The following ZNF30 variants were observed in gnomAD, a reference collection of about 807,000 sequenced individuals.
ZNF30 encodes the protein zinc finger protein 30, also known as zinc finger protein 30 (KOX 28).
ZNF30 carries 15 observed loss-of-function variants against 13.2 expected under a neutral mutation model. That is an observed-to-expected ratio of 1.13 (90% CI 0.76 to 1.75). ZNF30 has a LOEUF of 1.75. Ranked by LOEUF, ZNF30 falls within the 40% of genes most tolerant of loss-of-function variation. ZNF30 has a pLI of 0.00. For missense variants in ZNF30, 726 were observed against 757.0 expected, an observed-to-expected ratio of 0.96 and a Z score of 0.48; for synonymous variants, 223 against 256.6, an observed-to-expected ratio of 0.87 and a Z score of 1.25.
chr19:34,928,220 A>AATATATATATATATAT (rs374649415), intron 1 of ZNF30, among the ~76,000 whole-genome samples: 17 of 73,398 alleles, frequency 2.3e-4, no homozygotes, highest in South Asian at 1.5e-3. Context: ...AAAAAAAAAA[A>AATATATATATATATAT]ATATATATAT....
In ZNF30 at chr19:34,931,903, T is replaced by C. The variant is rs752330162; in HGVS notation, c.70T>C (p.Ser24Pro). Residue 24 changes from serine to proline, a missense_variant, in exon 3 of 5, where the codon TCC becomes CCC. Ser to Pro is a moderately conservative substitution (Grantham distance 74, BLOSUM62 -1). Coordinates refer to ENST00000601142, the MANE Select transcript of ZNF30 (RefSeq NM_194325.3). Reference protein sequence around the residue: ...VTFEDVAIAFSQQEWESLDSS... With the variant: ...VTFEDVAIAFPQQEWESLDSS... ...ATTTGAGGATGTGGCCATAGCCTTC[T>C]CCCAGCAGGAGTGGGAGAGTCTGGA... The C allele has an allele frequency of 1.2e-6, 2 of 1,613,632 alleles. No homozygotes were observed. Among genetic ancestry groups the C allele is most frequent in the Non-Finnish European group, 1.7e-6 (2 of 1,179,820 alleles).
chr19:34,940,406 A>G (rs1317761079), intron 4 of ZNF30, among the ~76,000 whole-genome samples: 3 of 152,090 alleles, frequency 2.0e-5, no homozygotes, highest in Non-Finnish European at 2.9e-5. Flanking sequence ...GGTGGCACAC[A>G]CCTGTAATCC....
chr19:34,926,299 C>T (rs559250080), upstream of ZNF30, among the ~76,000 whole-genome samples: 2 of 152,290 alleles, frequency 1.3e-5, no homozygotes, highest in Non-Finnish European at 2.9e-5. Flanking sequence ...CTACAGGCAG[C>T]TAATACAGAG....
chr19:34,931,164 A>G (rs1223078762), intron 2 of ZNF30, among the ~76,000 whole-genome samples: 3 of 151,660 alleles, frequency 2.0e-5, no homozygotes, highest in Non-Finnish European at 4.4e-5. Context: ...CAGCTTCCCA[A>G]GTAGCTGGGA....
At chr19:34,926,843 C>T (rs1406062849), upstream of ZNF30, 6 of 396,608 alleles carry the variant, frequency 1.5e-5, no homozygotes, top group Non-Finnish European at 2.7e-5. Context: ...CGAGCGCCTG[C>T]GCCTGCGCAT....
rs2012952107 is a variant in ZNF30 at position 34,939,998 on chromosome 19, T to C, written c.257-3225T>C. Among the ~76,000 whole-genome samples, 5 of 152,340 alleles carry C rather than the reference T, an allele frequency of 3.3e-5. No homozygotes were observed. In the South Asian group the frequency reaches 6.2e-4, roughly 19 times the overall value. ...GTAAAATTGAATGAAATTTAGTATATTTTGAAAATAAGTAAGTTTTCTCTT... is the reference window on the plus strand; with the variant it reads ...GTAAAATTGAATGAAATTTAGTATACTTTGAAAATAAGTAAGTTTTCTCTT... On this transcript the variant is annotated intron_variant, in intron 4 of 4. Transcript: ENST00000601142.
chr19:34,927,344 T>A (rs1005101919), intron 1 of ZNF30, 128 bp downstream of exon 1: 1 of 269,046 alleles, frequency 3.7e-6, no homozygotes, highest in African/African-American at 2.2e-5. Context: ...CATGCGAACC[T>A]GAGCTATTAA....
chr19:34,928,329 TATA>T (rs201049669), intron 1 of ZNF30, among the ~76,000 whole-genome samples: 1,816 of 149,974 alleles, frequency 0.012, 38 homozygotes, highest in African/African-American at 0.042. Context: ...ATAAAGGATG[TATA>T]ATGTTTACGT....
chr19:34,925,308 A>G (rs2012025546), upstream of ZNF30, among the ~76,000 whole-genome samples: 1 of 152,262 alleles, frequency 6.6e-6, no homozygotes, highest in Admixed American at 6.5e-5. Context: ...TACCAGAAGA[A>G]TCAGATCACA....
At chr19:34,935,242 A>C (rs79274360) in intron 4 of ZNF30, among the ~76,000 whole-genome samples, 1 of 123,104 alleles carries the variant, frequency 8.1e-6, no homozygotes, top group African/African-American at 2.9e-5. Context: ...AAAAAAAAAA[A>C]ATTTTTAAAA....
At chr19:34,925,620 G>A (rs1363893761), upstream of ZNF30, among the ~76,000 whole-genome samples, 1 of 152,144 alleles carries the variant, frequency 6.6e-6, no homozygotes, top group African/African-American at 2.4e-5. Context: ...GGGCGTGGCA[G>A]GCCAGGGTGG....
intron 4 of ZNF30, among the ~76,000 whole-genome samples, chr19:34,934,954 G>T (rs2012644605): frequency 6.6e-6 from 1 of 152,146 alleles, no homozygotes; most frequent in South Asian, 2.1e-4. Flanking sequence ...AACAGGCCGG[G>T]CGCGGTGGCT....
In ZNF30 at chr19:34,931,823, A is replaced by G. The variant is rs58605755; in HGVS notation, c.10-20A>G. ...TTCCCTCTCCTTTCACCTTGAAAGC[A>G]TTTTCTTTGATTTTACCAGAAATAT... is the stretch of plus-strand genomic sequence containing the variant. On this transcript the variant is annotated intron_variant, in intron 2 of 4. Transcript: ENST00000601142. 1.1e-3 allele frequency: 1,730 copies of G among 1,605,064 alleles called. 31 individuals are homozygous for G. The African/African-American group carries it at 0.02, about 19-fold the overall frequency.
At chr19:34,936,847 G>A (rs1483378975) in intron 4 of ZNF30, among the ~76,000 whole-genome samples, 1 of 152,048 alleles carries the variant, frequency 6.6e-6, no homozygotes, top group Non-Finnish European at 1.5e-5. Flanking sequence ...AGTGAGCTAT[G>A]ATCGCACCAC....
In ZNF30 at chr19:34,932,208, T is replaced by C. The variant is rs140678631; in HGVS notation, c.160+215T>C. On this transcript the variant is annotated intron_variant, in intron 3 of 4. Coordinates refer to ENST00000601142, the MANE Select transcript of ZNF30 (RefSeq NM_194325.3). ...ACAAAAGAGGCCAGGTTTTCTATTA[T>C]GTTTTTGCTCTAAATTGCTCTAAAT... Among the ~76,000 whole-genome samples the C allele has an allele frequency of 8.9e-3, 1,358 of 152,344 alleles. 32 individuals carry two copies. In the South Asian group the frequency reaches 0.099, roughly 11 times the overall value.
chr19:34,943,452 A>C lies in ZNF30; in HGVS notation c.486A>C (p.Gln162His). ...ECGKNFSNGH[Q>H]LTIHQRLHVG... ...GGAAGAACTTTAGTAATGGACATCA[A>C]CTCACCATACATCAGAGATTGCATG... is the stretch of plus-strand genomic sequence containing the variant. Residue 162 changes from glutamine to histidine, a missense_variant, in exon 5 of 5, where the codon CAA (glutamine) becomes CAC (histidine). Transcript: ENST00000601142. 1 of 1,613,886 alleles carries C rather than the reference A, an allele frequency of 6.2e-7. No individual in the cohort carries two copies. Among genetic ancestry groups the C allele is most frequent in the Non-Finnish European group, 8.5e-7 (1 of 1,179,868 alleles).
chr19:34,928,293 G>C (rs2012237406), intron 1 of ZNF30, among the ~76,000 whole-genome samples: 1 of 141,428 alleles, frequency 7.1e-6, no homozygotes, highest in Non-Finnish European at 1.5e-5. Context: ...TAAATTAAGT[G>C]GAAACAAGTG....
chr19:34,939,631 A>T (rs944949338), intron 4 of ZNF30, among the ~76,000 whole-genome samples: 16 of 152,192 alleles, frequency 1.1e-4, no homozygotes, highest in South Asian at 2.1e-4. Flanking sequence ...TAATTTTTTT[A>T]AAAAAAGACA....
intron 4 of ZNF30, among the ~76,000 whole-genome samples, chr19:34,940,608 C>A (rs1363860265): frequency 7.4e-6 from 1 of 135,690 alleles, no homozygotes; most frequent in East Asian, 2.1e-4. Flanking sequence ...GCAGAGGTTG[C>A]AGTGAGCTGT....
Sources: allele counts gnomAD v4.1 joint callset (sites outside exome capture counted in the v4.1 genomes callset), GRCh38; gene constraint gnomAD v4.1.1; transcripts MANE v1.5; gene names NCBI Gene and HGNC (gene_info 2026-07-23, HGNC 2026-07-21).